The following CSMD1 variants were observed in gnomAD, a reference collection of about 807,000 sequenced individuals.
CSMD1 encodes CUB and Sushi multiple domains 1.
Under a neutral mutation model 417.5 loss-of-function variants are expected in CSMD1, and 213 were observed. That is an observed-to-expected ratio of 0.51 (90% CI 0.46 to 0.57). The LOEUF (loss-of-function observed/expected upper bound fraction) is 0.57. Ranked by LOEUF, CSMD1 falls within the 20% of genes least tolerant of loss-of-function variation. The pLI, the probability that CSMD1 is intolerant of heterozygous loss-of-function variation, is 0.00. For synonymous variants in CSMD1, 2,862 were observed against 1,736.8 expected (o/e 1.65, Z -16.11); for missense variants, 6,923 against 4,529.7 (o/e 1.53, Z -15.17).
At chr8:3,605,678 C>T (rs375560300) in intron 8 of CSMD1, among the ~76,000 whole-genome samples, 2 of 152,156 alleles carry the variant, frequency 1.3e-5, no homozygotes, top group South Asian at 2.1e-4. Flanking sequence ...ATGGTATCCT[C>T]GAGATAAAAA....
intron 49 of CSMD1, among the ~76,000 whole-genome samples, chr8:3,061,595 G>C (rs868496593): frequency 6.6e-6 from 1 of 152,056 alleles, no homozygotes; most frequent in Non-Finnish European, 1.5e-5. Flanking sequence ...ATGACATCTT[G>C]AGCTTACACG....
chr8:4,561,769 C>T (rs1049862237), intron 2 of CSMD1, among the ~76,000 whole-genome samples: 1 of 152,144 alleles, frequency 6.6e-6, no homozygotes, highest in Non-Finnish European at 1.5e-5. Context: ...GACACTTTAC[C>T]TGTGATCTCT....
At chr8:4,321,830 G>C (rs571690390) in intron 3 of CSMD1, among the ~76,000 whole-genome samples, 4 of 151,924 alleles carry the variant, frequency 2.6e-5, no homozygotes, top group Non-Finnish European at 5.9e-5. Context: ...TGGTAGTGTA[G>C]TTACACTACT....
intron 5 of CSMD1, among the ~76,000 whole-genome samples, chr8:3,868,950 T>G (rs1321619500): frequency 6.6e-6 from 1 of 152,150 alleles, no homozygotes; most frequent in Non-Finnish European, 1.5e-5. Flanking sequence ...GAGACTCCAT[T>G]ACAACCTAAG....
intron 3 of CSMD1, among the ~76,000 whole-genome samples, chr8:4,146,352 C>G (rs900831672): frequency 1.3e-5 from 2 of 150,742 alleles, no homozygotes; most frequent in African/African-American, 5.0e-5. Flanking sequence ...TTCTGATAAG[C>G]TTCAGCCCAA....
intron 26 of CSMD1, among the ~76,000 whole-genome samples, chr8:3,246,889 T>C (rs1435081146): frequency 6.6e-6 from 1 of 152,232 alleles, no homozygotes; most frequent in East Asian, 1.9e-4. Context: ...GGAATTAGAG[T>C]TCCAATTCTT....
At position 3,168,919 on chromosome 8, in the gene CSMD1, TTC is replaced by T. The variant is rs57348944; in HGVS notation, c.5726-6644_5726-6643del. On this transcript the variant is annotated intron_variant, in intron 37 of 69. Coordinates refer to ENST00000635120, the MANE Select transcript of CSMD1 (RefSeq NM_033225.6). ...AAATACCTTTAGGGGAAGTAAAATG[TTC>T]TCTCTCTCTCTCTCTCAGGGGCTCA... Among the ~76,000 whole-genome samples, 33 of 150,284 alleles carry T rather than the reference TTC, an allele frequency of 2.2e-4. No individual in the cohort carries two copies. The East Asian group carries it at 2.4e-3, about 11-fold the overall frequency.
At chr8:4,118,300 T>C (rs558964121) in intron 3 of CSMD1, among the ~76,000 whole-genome samples, 3 of 152,100 alleles carry the variant, frequency 2.0e-5, no homozygotes, top group Admixed American at 6.6e-5. Flanking sequence ...GTTCGACCTG[T>C]ATGGATGTTT....
intron 7 of CSMD1, among the ~76,000 whole-genome samples, chr8:3,671,612 T>G (rs1799072189): frequency 6.9e-6 from 1 of 144,520 alleles, no homozygotes; most frequent in Non-Finnish European, 1.5e-5. Flanking sequence ...TCTATCTCTT[T>G]AGATAACCCT....
rs141130386 is a variant in CSMD1, at chr8:3,806,220, T to C, written c.819-52178A>G. ...GCAGAGTGCTTTGGATTTTTCTTCC[T>C]CTCAGATTATGGAGTACATGCAGGT... On this transcript the variant is annotated intron_variant, in intron 5 of 69. Coordinates refer to ENST00000635120, the MANE Select transcript of CSMD1 (RefSeq NM_033225.6). Among the ~76,000 whole-genome samples, 6 of 152,302 alleles carry C rather than the reference T, an allele frequency of 3.9e-5. No individual in the cohort carries two copies. In the East Asian group the frequency reaches 1.2e-3, roughly 29 times the overall value.
At chr8:4,794,592 C>T (rs1465602897) in intron 1 of CSMD1, among the ~76,000 whole-genome samples, 1 of 152,134 alleles carries the variant, frequency 6.6e-6, no homozygotes, top group East Asian at 1.9e-4. Flanking sequence ...TCTCACCCCT[C>T]ACACGCCTCT....
intron 25 of CSMD1, among the ~76,000 whole-genome samples, chr8:3,296,358 A>T (rs1803964146): frequency 6.6e-6 from 1 of 151,900 alleles, no homozygotes; most frequent in African/African-American, 2.4e-5. Context: ...AGAACAGAGG[A>T]AGGGGGACTG....
chr8:4,748,324 T>C (rs189675779), intron 1 of CSMD1, among the ~76,000 whole-genome samples: 2 of 152,284 alleles, frequency 1.3e-5, no homozygotes, highest in East Asian at 3.9e-4. Flanking sequence ...ACCATCTGAG[T>C]TGGAAATGTG....
chr8:3,789,048 G>A (rs1209826409), intron 5 of CSMD1, among the ~76,000 whole-genome samples: 1 of 152,108 alleles, frequency 6.6e-6, no homozygotes, highest in Non-Finnish European at 1.5e-5. Context: ...GAATGTTTCT[G>A]TCCCTCCAAA....
At chr8:4,073,516 G>T (rs892152263) in intron 3 of CSMD1, among the ~76,000 whole-genome samples, 13 of 152,094 alleles carry the variant, frequency 8.5e-5, no homozygotes, top group African/African-American at 3.1e-4. Flanking sequence ...CAGAGGACCT[G>T]GGATGTGTCT....
chr8:2,978,630 A>G lies in CSMD1; in HGVS notation c.8548T>C (p.Ser2850Pro). ...TCMANGLWDR[S>P]LPKCLAISCG... is the part of the protein sequence containing the mutation. ...GACTTACCCAAACACTTGGGCAGGG[A>G]TCGGTCCCATAAGCCATTTGCCATA... Residue 2850 changes from serine to proline, a missense_variant, in exon 55 of 70, where the codon TCC (serine) becomes CCC (proline). By Grantham distance (74) the Ser-to-Pro change is moderately conservative. Transcript: ENST00000635120. 6.3e-7 allele frequency: 1 copy of G among 1,595,716 alleles called. No homozygotes were observed. The highest frequency in any genetic ancestry group is 8.5e-7 in the Non-Finnish European group (1 of 1,170,638).
intron 2 of CSMD1, among the ~76,000 whole-genome samples, chr8:4,494,561 T>C (rs6991091): frequency 0.64 from 97,310 of 152,022 alleles, 32,518 homozygotes; most frequent in Middle Eastern, 0.78. Context: ...ATCTGGGCTA[T>C]GGATTAAAAA....
chr8:4,801,821 T>G (rs78619957), intron 1 of CSMD1, among the ~76,000 whole-genome samples: 196 of 152,314 alleles, frequency 1.3e-3, no homozygotes, highest in African/African-American at 4.4e-3. Flanking sequence ...TACTCTTTTC[T>G]AAAATGACAA....
chr8:3,976,828 C>T (rs1813472045), intron 5 of CSMD1, among the ~76,000 whole-genome samples: 2 of 152,082 alleles, frequency 1.3e-5, no homozygotes, highest in African/African-American at 2.4e-5. Context: ...TCTGTGACCT[C>T]AACCACTGCA....
Sources: allele counts gnomAD v4.1 joint callset (sites outside exome capture counted in the v4.1 genomes callset), GRCh38; gene constraint gnomAD v4.1.1; transcripts MANE v1.5; gene names NCBI Gene and HGNC (gene_info 2026-07-23, HGNC 2026-07-21).